Variants in NCALD observed in about 807,000 individuals in gnomAD.
The protein encoded by NCALD is neurocalcin-delta.
Under a neutral mutation model 18.6 loss-of-function variants are expected in NCALD, and 10 were observed. The observed-to-expected ratio is 0.54, with a 90% CI of 0.33 to 0.91. The LOEUF (loss-of-function observed/expected upper bound fraction) is 0.91. Among genes scored for constraint, NCALD ranks in the 40% least tolerant of loss-of-function variants. The pLI, the probability that NCALD is intolerant of heterozygous loss-of-function variation, is 0.03. For missense variants in NCALD, 184 were observed against 247.6 expected, an observed-to-expected ratio of 0.74 and a Z score of 1.72; for synonymous variants, 88 against 87.4, an observed-to-expected ratio of 1.01 and a Z score of -0.04.
chr8:102,024,004 T>A (rs1822370618), intron 1 of NCALD, among the ~76,000 whole-genome samples: 1 of 152,222 alleles, frequency 6.6e-6, no homozygotes, highest in Non-Finnish European at 1.5e-5. Flanking sequence ...CAACTCTAGA[T>A]GAAAATATTA....
intron 1 of NCALD, among the ~76,000 whole-genome samples, chr8:101,764,750 A>G (rs1386985555): frequency 6.6e-6 from 1 of 152,192 alleles, no homozygotes; most frequent in African/African-American, 2.4e-5. Flanking sequence ...TGCATGTGAC[A>G]CTCAATTTAA....
At position 101,689,184 on chromosome 8, in the gene NCALD, C is replaced by T; in HGVS notation, c.*125G>A. ...GCTGAAGGCGTCACGGAGGAAGGCG[C>T]ATCAGACCGCACAGGGGACGGCATC... is the stretch of plus-strand genomic sequence containing the variant. On this transcript the variant is annotated 3_prime_UTR_variant, in exon 4 of 4. Coordinates refer to ENST00000220931, the MANE Select transcript of NCALD (RefSeq NM_032041.3). The surrounding 1 kb of genome is among the most constrained non-coding windows in gnomAD (Gnocchi z 4.4). 2.3e-6 allele frequency: 2 copies of T among 858,224 alleles called. No homozygotes were observed. Among genetic ancestry groups the T allele is most frequent in the Non-Finnish European group, 1.9e-6 (1 of 522,426 alleles). 53.2% of individuals were successfully genotyped at this position (858,224 alleles called of 1,614,324 possible). A position where few individuals can be genotyped will look rare whatever the true frequency, so the allele number is the denominator to read the frequency against.
intron 4 of NCALD, among the ~76,000 whole-genome samples, chr8:101,819,611 T>C (rs1174459851): frequency 6.6e-6 from 1 of 152,124 alleles, no homozygotes; most frequent in African/African-American, 2.4e-5. Context: ...ACCCCTTGGG[T>C]TTTGCCAGAA....
chr8:101,846,441 G>T (rs1381472828), intron 4 of NCALD, among the ~76,000 whole-genome samples: 1 of 152,184 alleles, frequency 6.6e-6, no homozygotes, highest in Admixed American at 6.5e-5. Context: ...GGAGCCTCTG[G>T]CATTTGTTGG....
intron 2 of NCALD, among the ~76,000 whole-genome samples, chr8:101,976,087 G>A (rs1820413433): frequency 6.6e-6 from 1 of 152,094 alleles, no homozygotes; most frequent in Non-Finnish European, 1.5e-5. Flanking sequence ...CCTTTTAAGT[G>A]GCCAACTCTT....
intron 1 of NCALD, among the ~76,000 whole-genome samples, chr8:102,082,723 C>T (rs561749997): frequency 6.6e-6 from 1 of 152,120 alleles, no homozygotes; most frequent in Non-Finnish European, 1.5e-5. Flanking sequence ...GAAACAGGAG[C>T]GAATTTTCAA....
intron 1 of NCALD, among the ~76,000 whole-genome samples, chr8:101,768,347 C>T (rs1811434798): frequency 6.6e-6 from 1 of 151,150 alleles, no homozygotes; most frequent in Admixed American, 6.6e-5. Flanking sequence ...TAGTCTATAT[C>T]TGCAGGTCAC....
At chr8:101,778,394 A>G (rs1811880489) in intron 1 of NCALD, among the ~76,000 whole-genome samples, 1 of 152,204 alleles carries the variant, frequency 6.6e-6, no homozygotes, top group Non-Finnish European at 1.5e-5. Flanking sequence ...AGGAAAACAT[A>G]GAACATATGA....
chr8:101,881,160 T>TA (rs1185004830), intron 4 of NCALD, among the ~76,000 whole-genome samples: 2 of 152,002 alleles, frequency 1.3e-5, no homozygotes, highest in Non-Finnish European at 2.9e-5. Context: ...TCTATTAAAA[T>TA]AAAAAAATAC....
At chr8:101,871,583 C>CT (rs3056946) in intron 4 of NCALD, among the ~76,000 whole-genome samples, 15,479 of 138,810 alleles carry the variant, frequency 0.11, 1,806 homozygotes, top group African/African-American at 0.3. Flanking sequence ...TTCAGATTTT[C>CT]TTTTTTTTTT....
intron 4 of NCALD, among the ~76,000 whole-genome samples, chr8:101,818,660 G>A (rs1278167612): frequency 1.3e-5 from 2 of 152,010 alleles, no homozygotes; most frequent in East Asian, 3.9e-4. Context: ...TTTTCTGATT[G>A]CCACAGAGTT....
intron 1 of NCALD, among the ~76,000 whole-genome samples, chr8:102,111,808 A>G (rs968344881): frequency 6.6e-6 from 1 of 152,220 alleles, no homozygotes; most frequent in African/African-American, 2.4e-5. Flanking sequence ...CACTACAGTT[A>G]TGTATCACAC....
chr8:101,885,895 C>G (rs1207487226), intron 4 of NCALD, among the ~76,000 whole-genome samples: 2 of 152,200 alleles, frequency 1.3e-5, no homozygotes, highest in Middle Eastern at 3.4e-3. Flanking sequence ...CAGAAAGAGC[C>G]AAGGAACTAA....
upstream of NCALD, among the ~76,000 whole-genome samples, chr8:101,793,000 T>C (rs2087246541): frequency 6.6e-6 from 1 of 152,136 alleles, no homozygotes; most frequent in South Asian, 2.1e-4. Flanking sequence ...TTTTTAAGAC[T>C]AAGTATACTT....
At chr8:102,094,561 G>A (rs760383711) in intron 1 of NCALD, among the ~76,000 whole-genome samples, 40 of 152,198 alleles carry the variant, frequency 2.6e-4, no homozygotes, top group Admixed American at 1.7e-3. Flanking sequence ...GTGTGGTTGA[G>A]ATCTCACTAA....
intron 1 of NCALD, among the ~76,000 whole-genome samples, chr8:102,025,694 C>T (rs1822429828): frequency 6.6e-6 from 1 of 152,116 alleles, no homozygotes; most frequent in Non-Finnish European, 1.5e-5. Flanking sequence ...ACAAACTCCT[C>T]GTGGGCAAAA....
At chr8:102,026,010 T>C (rs1822441957) in intron 1 of NCALD, among the ~76,000 whole-genome samples, 1 of 151,936 alleles carries the variant, frequency 6.6e-6, no homozygotes, top group Non-Finnish European at 1.5e-5. Context: ...GCAGGGAAAG[T>C]CCCTTATAAA....
At chr8:101,816,036 T>C (rs1813482029) in intron 4 of NCALD, among the ~76,000 whole-genome samples, 1 of 151,994 alleles carries the variant, frequency 6.6e-6, no homozygotes, top group South Asian at 2.1e-4. Context: ...AAGAAGACAA[T>C]ATGAAAAGGC....
intron 2 of NCALD, among the ~76,000 whole-genome samples, chr8:101,966,909 A>G (rs991065005): frequency 1.3e-5 from 2 of 152,204 alleles, no homozygotes; most frequent in Non-Finnish European, 2.9e-5. Flanking sequence ...GCACCCATTA[A>G]AAGTCATGTT....
Sources: gnomAD v4.1 joint callset for allele counts (sites outside exome capture counted in the v4.1 genomes callset) on GRCh38, gnomAD v4.1.1 for gene constraint, Gnocchi (gnomAD v3.1) non-coding constraint, MANE v1.5 for transcripts, NCBI Gene and HGNC (gene_info 2026-07-23, HGNC 2026-07-21) for gene names.